Variants in NSD2 observed in about 807,000 individuals in gnomAD.
NSD2 encodes nuclear receptor binding SET domain protein 2.
A neutral mutation model predicts 139.0 loss-of-function variants in NSD2; 12 were observed. The observed-to-expected ratio is 0.09, with a 90% confidence interval of 0.06 to 0.14. The LOEUF is 0.14. NSD2 is among the 10% of genes least tolerant of loss of function. The pLI is 1.00. For missense variants in NSD2, 1,155 were observed against 1,745.0 expected (o/e 0.66, Z 6.02); for synonymous variants, 669 against 648.7 (o/e 1.03, Z -0.48).
At chr4:1,880,472 T>C (rs115141675) in intron 1 of NSD2, among the ~76,000 whole-genome samples, 22 of 152,308 alleles carry the variant, frequency 1.4e-4, no homozygotes, top group East Asian at 1.2e-3. Context: ...TCTTCATTCA[T>C]TGAGTATCAG....
chr4:1,885,502 A>G (rs1441178532), intron 1 of NSD2, among the ~76,000 whole-genome samples: 1 of 152,220 alleles, frequency 6.6e-6, no homozygotes, highest in East Asian at 1.9e-4. Context: ...TCTGAGGTAA[A>G]GGAAGTCTGT....
rs901490967 is a variant in NSD2, at chr4:1,979,015, C to T, written c.*106C>T. The T allele has an allele frequency of 1.2e-4, 171 of 1,390,000 alleles. 2 individuals carry two copies. In the African/African-American group the frequency reaches 2.3e-3, roughly 19 times the overall value. The allele number at this position is 1,390,000 out of a possible 1,614,324, so 86.1% of individuals were successfully genotyped here. ...GCCCGGAGGACCCAGCTCGAGCCGC[C>T]AGGACACAGACGTACAGGCCTCCTC... On this transcript the variant is annotated 3_prime_UTR_variant, in exon 22 of 22. Coordinates refer to ENST00000508803, the MANE Select transcript of NSD2 (RefSeq NM_001042424.3).
At chr4:1,938,111 C>G (rs903133872) in intron 7 of NSD2, among the ~76,000 whole-genome samples, 1 of 152,148 alleles carries the variant, frequency 6.6e-6, no homozygotes, top group African/African-American at 2.4e-5. Flanking sequence ...CAATAAGACT[C>G]GTATCAGGTG....
chr4:1,903,557 G>A (rs1717475229), intron 2 of NSD2, among the ~76,000 whole-genome samples: 1 of 152,156 alleles, frequency 6.6e-6, no homozygotes, highest in South Asian at 2.1e-4. Flanking sequence ...GCAGAAGTCA[G>A]TATGGATTTG....
chr4:1,946,330 C>CA, intron 9 of NSD2: 3 of 651,578 alleles, frequency 4.6e-6, no homozygotes, highest in Non-Finnish European at 5.8e-6. Context: ...GTAAGTGGCA[C>CA]AATCTCGGCT....
At chr4:1,906,721 C>T (rs1476075297) in intron 3 of NSD2, among the ~76,000 whole-genome samples, 18 of 140,370 alleles carry the variant, frequency 1.3e-4, no homozygotes, top group African/African-American at 4.6e-4. Context: ...AGTGCACTGG[C>T]GCGATCTCAG....
At chr4:1,945,393 T>A (rs1723519301) in intron 9 of NSD2, 8 of 1,064,868 alleles carry the variant, frequency 7.5e-6, no homozygotes, top group Non-Finnish European at 8.0e-6. Flanking sequence ...GCCCATGGTG[T>A]GTGTGTCCAG....
At position 1,938,506 on chromosome 4, in the gene NSD2, C is replaced by T; in HGVS notation, c.1730C>T (p.Ala577Val). 1 of 1,588,102 alleles carries T rather than the reference C, an allele frequency of 6.3e-7. No homozygotes were observed. Among genetic ancestry groups the T allele is most frequent in the Non-Finnish European group, 8.6e-7 (1 of 1,169,478 alleles). Residue 577 changes from alanine (A) to valine (V), a missense_variant, in exon 8 of 22, where the codon GCA (alanine) becomes GTA (valine). By Grantham distance (64) the Ala-to-Val change is moderately conservative. Coordinates refer to ENST00000508803, the MANE Select transcript of NSD2 (RefSeq NM_001042424.3). ...ARTSSYKAME[A>V]ASSLKSQAAT... ...ACAAGCTCTTACAAGGCCATGGAGG[C>T]AGCCTCCTCGCTCAAGAGCCAGGCA...
intron 11 of NSD2, chr4:1,952,852 C>T: frequency 1.6e-6 from 2 of 1,280,186 alleles, no homozygotes; most frequent in Non-Finnish European, 2.0e-6. Context: ...AGTCTCCTAT[C>T]TCACGTCAGA....
rs112427041 is a variant in NSD2, at chr4:1,976,956, T to C, written c.3826+277T>C. On this transcript the variant is annotated intron_variant, in intron 21 of 21. Transcript: ENST00000508803. This position sits in a 1 kb window ranked among gnomAD's most constrained non-coding sequence, Gnocchi z 5.3. ...GGCAGCCCAAGGCCCAGCTGCAGAA[T>C]TGGGGCCCTCATCCATGCTGTGGGG... Among the ~76,000 whole-genome samples the C allele has an allele frequency of 9.2e-5, 14 of 152,316 alleles. No individual in the cohort carries two copies. Among genetic ancestry groups the C allele is most frequent in the African/African-American group, 2.6e-4 (11 of 41,574 alleles).
chr4:1,955,679 C>A lies in NSD2; in HGVS notation c.2519-14C>A. 6.2e-7 allele frequency: 1 copy of A among 1,608,096 alleles called. No individual in the cohort carries two copies. Among genetic ancestry groups the A allele is most frequent in the Non-Finnish European group, 8.5e-7 (1 of 1,176,438 alleles). ...AGACAGGCTAAGCCTGGCCGCCTCGCCCTCCTCTTGCAGGGGGGAGCCTTC... is the reference window on the plus strand; with the variant it reads ...AGACAGGCTAAGCCTGGCCGCCTCGACCTCCTCTTGCAGGGGGGAGCCTTC... On this transcript the variant is annotated splice_polypyrimidine_tract_variant and intron_variant, in intron 13 of 21. Coordinates refer to ENST00000508803, the MANE Select transcript of NSD2 (RefSeq NM_001042424.3). The surrounding 1 kb of genome is among the most constrained non-coding windows in gnomAD (Gnocchi z 4.7).
At chr4:1,918,677 C>A in intron 5 of NSD2, 54 bp downstream of exon 5, 1 of 1,595,820 alleles carries the variant, frequency 6.3e-7, no homozygotes, top group Non-Finnish European at 8.5e-7. Flanking sequence ...GAGGAACATC[C>A]CTTCAGTGCA....
In NSD2 at chr4:1,974,622, T is replaced by C. The variant is rs1726867634; in HGVS notation, c.3373-241T>C. ...GGATGCTGGGAGCTCCAGCTCCCTG[T>C]CCTGTCCTCCCCGGCGCTCACTAAG... On this transcript the variant is annotated intron_variant, in intron 18 of 21. Coordinates refer to ENST00000508803, the MANE Select transcript of NSD2 (RefSeq NM_001042424.3). This position sits in a 1 kb window ranked among gnomAD's most constrained non-coding sequence, Gnocchi z 4.0. 1 of 671,508 alleles carries C rather than the reference T, an allele frequency of 1.5e-6. No homozygotes were observed. The highest frequency in any genetic ancestry group is 1.8e-5 in the African/African-American group (1 of 56,666). 41.6% of individuals were successfully genotyped at this position (671,508 alleles called of 1,614,324 possible). A position where few individuals can be genotyped will look rare whatever the true frequency, so the allele number is the denominator to read the frequency against.
chr4:1,936,089 T>G (rs997051918), intron 7 of NSD2, among the ~76,000 whole-genome samples: 2 of 152,220 alleles, frequency 1.3e-5, no homozygotes, highest in Non-Finnish European at 2.9e-5. Context: ...GCAGGAAAAG[T>G]GCAGCATAGA....
chr4:1,977,409 A>G (rs1467273923), intron 21 of NSD2, among the ~76,000 whole-genome samples: 2 of 152,228 alleles, frequency 1.3e-5, no homozygotes, highest in South Asian at 4.1e-4. Context: ...ACAATCTTGC[A>G]GTGTGTCGCC....
At chr4:1,935,688 C>T (rs1269631154) in intron 7 of NSD2, among the ~76,000 whole-genome samples, 2 of 152,030 alleles carry the variant, frequency 1.3e-5, no homozygotes, top group African/African-American at 2.4e-5. Context: ...GGTAATACCC[C>T]GTCTCTACTA....
At chr4:1,886,910 G>T (rs986599048) in intron 1 of NSD2, among the ~76,000 whole-genome samples, 1 of 152,092 alleles carries the variant, frequency 6.6e-6, no homozygotes, top group Non-Finnish European at 1.5e-5. Context: ...TCTATCTGTG[G>T]AAGATGATGG....
chr4:1,911,782 C>T (rs1432979532), intron 3 of NSD2, among the ~76,000 whole-genome samples: 3 of 151,838 alleles, frequency 2.0e-5, no homozygotes, highest in South Asian at 2.1e-4. Flanking sequence ...GTAGAAAATT[C>T]GGTTATGTTA....
Position 1,897,621 on chromosome 4 carries a change from A to C in NSD2, c.-29-3005A>C, listed in dbSNP as rs529152892. 2.0e-5 allele frequency among the ~76,000 whole-genome samples: 3 copies of C among 152,218 alleles called. No homozygotes were observed. In the East Asian group the frequency reaches 5.8e-4, roughly 29 times the overall value. On this transcript the variant is annotated intron_variant, in intron 1 of 21. Coordinates refer to ENST00000508803, the MANE Select transcript of NSD2 (RefSeq NM_001042424.3). ...AAGACAAGATCCCGTCTCTACAAAA[A>C]ATTTTATTTTTATTTTTATTGATAT... is the stretch of plus-strand genomic sequence containing the variant.
Sources: allele counts gnomAD v4.1 joint callset (sites outside exome capture counted in the v4.1 genomes callset), GRCh38; gene constraint gnomAD v4.1.1; non-coding constraint Gnocchi (gnomAD v3.1); transcripts MANE v1.5; gene names NCBI Gene and HGNC (gene_info 2026-07-23, HGNC 2026-07-21).